Variants in MUTYH observed in about 807,000 individuals in gnomAD.
MUTYH encodes mutY DNA glycosylase, also known as adenine DNA glycosylase.
In MUTYH, 64 loss-of-function variants were observed where a neutral mutation model predicts 72.9. The observed-to-expected ratio is 0.88, with a 90% CI of 0.72 to 1.08. The LOEUF (loss-of-function observed/expected upper bound fraction) is 1.08, where lower values mean the gene tolerates loss of function less well. Ranked by LOEUF, MUTYH falls within the 50% of genes least tolerant of loss-of-function variation. The pLI is 0.00. For missense variants in MUTYH, 633 were observed against 671.0 expected, an observed-to-expected ratio of 0.94 and a Z score of 0.63; for synonymous variants, 234 against 263.1, an observed-to-expected ratio of 0.89 and a Z score of 1.07.
chr1:45,333,563 T>C lies in MUTYH; in HGVS notation c.116-2A>G. 1 of 1,613,518 alleles carries C rather than the reference T, an allele frequency of 6.2e-7. No individual in the cohort carries two copies. Among genetic ancestry groups the C allele is most frequent in the Non-Finnish European group, 8.5e-7 (1 of 1,179,592 alleles). ...CCTCTTCCGGCTGCCTGGCCAGGCC[T>C]GCTGGGGCCCCAGGACACTCAGCAA... On this transcript the variant is annotated splice_acceptor_variant, in intron 2 of 15. Transcript: ENST00000456914. LOFTEE classifies it high-confidence loss of function.
rs780029247 is a variant in MUTYH, at chr1:45,334,518, C to T, written c.-6-7G>A. ...GTGGCTTCCTCATGATGGCCTGAAA[C>T]AAAAAGACCCAGCCAAAGCAGTCAG... On this transcript the variant is annotated splice_polypyrimidine_tract_variant and splice_region_variant and intron_variant, in intron 1 of 15. Coordinates refer to ENST00000456914, the MANE Select transcript of MUTYH (RefSeq NM_001048174.2). 155 of 1,613,992 alleles carry T rather than the reference C, an allele frequency of 9.6e-5. 1 individual carries two copies. The Middle Eastern group carries it at 2.1e-3, about 22-fold the overall frequency.
Position 45,334,516 on chromosome 1 carries a change from A to C in MUTYH, c.-6-5T>G, listed in dbSNP as rs876660715. On this transcript the variant is annotated splice_polypyrimidine_tract_variant and splice_region_variant and intron_variant, in intron 1 of 15. Coordinates refer to ENST00000456914, the MANE Select transcript of MUTYH (RefSeq NM_001048174.2). ...TCGTGGCTTCCTCATGATGGCCTGA[A>C]ACAAAAAGACCCAGCCAAAGCAGTC... 23 of 1,613,956 alleles carry C rather than the reference A, an allele frequency of 1.4e-5. No homozygotes were observed. In the East Asian group the frequency reaches 4.9e-4, roughly 34 times the overall value.
chr1:45,340,008 G>T, upstream of MUTYH: 1 of 1,539,430 alleles, frequency 6.5e-7, no homozygotes, highest in Non-Finnish European at 8.8e-7. Flanking sequence ...CGGCTTTCCG[G>T]CGCACTCCAG....
chr1:45,340,188 C>T (rs181223290), upstream of MUTYH: 25 of 1,613,088 alleles, frequency 1.5e-5, no homozygotes, highest in African/African-American at 2.8e-4. Context: ...GCCTGAACCG[C>T]GCCAGGAGAC....
rs767237971 is a variant in MUTYH at position 45,333,549 on chromosome 1, T to C, written c.128A>G (p.Gln43Arg). Residue 43 changes from glutamine to arginine, a missense_variant, in exon 3 of 16, where the codon CAG (glutamine) becomes CGG (arginine). Gln to Arg is a conservative substitution (Grantham distance 43). Transcript: ENST00000456914. ...KPSACDGLAR[Q>R]PEEVVLQASV... Reference sequence around the variant, plus strand: ...GGCCTGCAATACCACCTCTTCCGGCTGCCTGGCCAGGCCTGCTGGGGCCCC... The same window carrying C: ...GGCCTGCAATACCACCTCTTCCGGCCGCCTGGCCAGGCCTGCTGGGGCCCC... The C allele has an allele frequency of 5.6e-6, 9 of 1,613,764 alleles. No homozygotes were observed. Among genetic ancestry groups the C allele is most frequent in the Non-Finnish European group, 7.6e-6 (9 of 1,179,830 alleles).
intron 2 of MUTYH, chr1:45,333,764 G>A (rs182161438): frequency 3.5e-6 from 1 of 288,022 alleles, no homozygotes; most frequent in East Asian, 1.7e-4. Flanking sequence ...TCTCAGGGTG[G>A]TACTACTGGC....
At chr1:45,337,453 G>A in intron 1 of MUTYH, among the ~76,000 whole-genome samples, 1 of 152,016 alleles carries the variant, frequency 6.6e-6, no homozygotes, top group East Asian at 1.9e-4. Context: ...CACGGCGCCT[G>A]GTGACACCCC....
upstream of MUTYH, chr1:45,340,117 G>A (rs1646782056): frequency 3.8e-6 from 6 of 1,562,610 alleles, no homozygotes; most frequent in African/African-American, 8.2e-5. Context: ...GACCCGGGAC[G>A]TCTGAACGGA....
chr1:45,333,522 G>A lies in MUTYH; in HGVS notation c.155C>T (p.Ser52Phe), dbSNP rs762806212. Residue 52 changes from serine (S) to phenylalanine (F), a missense_variant, in exon 3 of 16, where the codon TCT becomes TTT. Physicochemically the swap from Ser to Phe is radical, Grantham distance 155 (BLOSUM62 -2). Coordinates refer to ENST00000456914, the MANE Select transcript of MUTYH (RefSeq NM_001048174.2). Reference protein sequence around the residue: ...RQPEEVVLQASVSSYHLFRDV... With the variant: ...RQPEEVVLQAFVSSYHLFRDV... Reference sequence around the variant, plus strand: ...TCTGAATAGATGGTATGAGGAGACAGAGGCCTGCAATACCACCTCTTCCGG... The same window carrying A: ...TCTGAATAGATGGTATGAGGAGACAAAGGCCTGCAATACCACCTCTTCCGG... The A allele has an allele frequency of 6.2e-7, 1 of 1,614,228 alleles. No homozygotes were observed. The highest frequency in any genetic ancestry group is 8.5e-7 in the Non-Finnish European group (1 of 1,180,022).
chr1:45,332,780 G>A lies in MUTYH; in HGVS notation c.475C>T (p.Gln159Ter), dbSNP rs1553128813. 6.2e-7 allele frequency: 1 copy of A among 1,614,164 alleles called. No homozygotes were observed. Among genetic ancestry groups the A allele is most frequent in the African/African-American group, 1.3e-5 (1 of 75,038 alleles). The change falls in exon 7 of 16, where the codon CAG (glutamine) becomes TAG (stop). Residue 159 changes from glutamine to a stop codon, truncating the protein, a stop_gained. Transcript: ENST00000456914. LOFTEE classifies it high-confidence loss of function. ...LGYYSRGRRL[Q>*]EGARKVVEEL... is the part of the protein sequence containing the mutation. ...CCCCTTACCTTCCGAGCTCCCTCCT[G>A]CAGCCGCCGGCCACGAGAATAGTAG...
upstream of MUTYH, chr1:45,340,007 G>GA: frequency 6.5e-7 from 1 of 1,539,216 alleles, no homozygotes. Flanking sequence ...CCGGCTTTCC[G>GA]GCGCACTCCA....
At chr1:45,334,368 T>TG in intron 2 of MUTYH, 23 bp downstream of exon 2, 1 of 1,613,790 alleles carries the variant, frequency 6.2e-7, no homozygotes, top group Non-Finnish European at 8.5e-7. Flanking sequence ...CAATGAGCCT[T>TG]GGGCCACAAC....
chr1:45,338,982 G>C (rs2149233056), intron 1 of MUTYH, among the ~76,000 whole-genome samples: 1 of 152,098 alleles, frequency 6.6e-6, no homozygotes, highest in East Asian at 1.9e-4. Flanking sequence ...GCCCAGGCTA[G>C]TCTTGAACTC....
chr1:45,338,689 CAA>C (rs1646343495), intron 1 of MUTYH: 1 of 178,824 alleles, frequency 5.6e-6, no homozygotes, highest in Non-Finnish European at 1.2e-5. Flanking sequence ...GGGGGATAGT[CAA>C]AAGAGTTTCC....
chr1:45,340,311 G>A (rs767628515), upstream of MUTYH: 1 of 1,611,738 alleles, frequency 6.2e-7, no homozygotes, highest in South Asian at 1.1e-5. Context: ...GACGGTGAGC[G>A]GCTTCCCAGA....
At chr1:45,340,224 G>C (rs878854188), upstream of MUTYH, 2 of 1,613,872 alleles carry the variant, frequency 1.2e-6, no homozygotes, top group Non-Finnish European at 1.7e-6. Context: ...CGTACCCACA[G>C]ACGACTCAGG....
upstream of MUTYH, chr1:45,340,226 C>G (rs755928199): frequency 5.0e-6 from 8 of 1,613,858 alleles, no homozygotes; most frequent in Non-Finnish European, 5.9e-6. Flanking sequence ...TACCCACAGA[C>G]GACTCAGGCG....
Position 45,332,087 on chromosome 1 carries a change from C to A in MUTYH, c.850-1G>T, listed in dbSNP as rs2149135116. 1 of 1,614,228 alleles carries A rather than the reference C, an allele frequency of 6.2e-7. No individual in the cohort carries two copies. The highest frequency in any genetic ancestry group is 2.2e-5 in the East Asian group (1 of 44,884). ...AGGCTAAGAGCTGTTCCTGCTCCAC[C>A]TGAGAGGCACAGGGTTGAGTGTCAT... On this transcript the variant is annotated splice_acceptor_variant, in intron 10 of 15. Transcript: ENST00000456914. LOFTEE classifies it high-confidence loss of function.
rs768222428 is a variant in MUTYH, at chr1:45,331,196, T to C, written c.1378A>G (p.Thr460Ala). The C allele has an allele frequency of 6.2e-7, 1 of 1,614,124 alleles. No homozygotes were observed. The highest frequency in any genetic ancestry group is 8.5e-7 in the Non-Finnish European group (1 of 1,180,024). ...AAAGGTAGTGCCTTTTTCATGGCGG[T>C]GGAAACAGCTGCGGTGTGAAATTCC... ...QEEFHTAAVS[T>A]AMKKVFRVYQ... is the part of the protein sequence containing the mutation. The change falls in exon 14 of 16, where the codon ACC becomes GCC. Residue 460 changes from threonine to alanine, a missense_variant. Transcript: ENST00000456914.
Sources: gnomAD v4.1 joint callset for allele counts (sites outside exome capture counted in the v4.1 genomes callset) on GRCh38, gnomAD v4.1.1 for gene constraint, MANE v1.5 for transcripts, NCBI Gene and HGNC (gene_info 2026-07-23, HGNC 2026-07-21) for gene names.